The following KLF8 variants were observed in gnomAD, a reference collection of about 807,000 sequenced individuals.
KLF8 encodes the protein KLF transcription factor 8.
In KLF8, 10 loss-of-function variants were observed where a neutral mutation model predicts 18.2. The ratio of observed to expected loss-of-function variants is 0.55; its 90% CI spans 0.34 to 0.93. The LOEUF (loss-of-function observed/expected upper bound fraction) is 0.93, where lower values mean the gene tolerates loss of function less well. KLF8 is among the 40% of genes least tolerant of loss of function. KLF8 has a pLI of 0.02. For synonymous variants in KLF8, 109 were observed against 97.3 expected (o/e 1.12, Z -0.71); for missense variants, 264 against 277.9 (o/e 0.95, Z 0.36).
intron 2 of KLF8, among the ~76,000 whole-genome samples, chrX:56,253,738 T>A (rs1460671325): frequency 9.5e-6 from 1 of 105,302 alleles, no homozygotes; most frequent in Non-Finnish European, 1.9e-5. Context: ...TTTCTATTTT[T>A]GTACATAATG....
At chrX:55,988,008 A>G in the KLF8 span, among the ~76,000 whole-genome samples, 1 of 112,161 alleles carries the variant, frequency 8.9e-6, no homozygotes, top group African/African-American at 3.2e-5. Context: ...TCTTTTGAGA[A>G]GTGTCTGTTC....
At chrX:55,988,074 T>G in the KLF8 span, among the ~76,000 whole-genome samples, 57,479 of 110,153 alleles carry the variant, frequency 0.52, 13,546 homozygotes, top group East Asian at 0.75. Context: ...TAAATTTGTT[T>G]GAGTTCATTG....
At chrX:55,915,223 A>G in the KLF8 span, among the ~76,000 whole-genome samples, 7 of 111,745 alleles carry the variant, frequency 6.3e-5, no homozygotes, top group African/African-American at 2.3e-4. Context: ...CATTTGATAA[A>G]TGGGGAAACT....
chrX:55,939,669 C>T, the KLF8 span, among the ~76,000 whole-genome samples: 4 of 111,047 alleles, frequency 3.6e-5, no homozygotes, highest in Non-Finnish European at 7.6e-5. Context: ...ACCAAATAGA[C>T]ACAATAAAAA....
chrX:56,044,703 CCTT>C, the KLF8 span, among the ~76,000 whole-genome samples: 2 of 112,207 alleles, frequency 1.8e-5, no homozygotes, highest in Admixed American at 1.9e-4. Context: ...GATCATGGCT[CCTT>C]CTCACCCTGG....
At chrX:56,022,259 G>A in the KLF8 span, among the ~76,000 whole-genome samples, 17 of 110,781 alleles carry the variant, frequency 1.5e-4, no homozygotes, top group Non-Finnish European at 3.0e-4. Flanking sequence ...CAAGAAAAAT[G>A]TCTGAGGCCA....
the KLF8 span, among the ~76,000 whole-genome samples, chrX:55,953,016 G>A: frequency 2.7e-5 from 3 of 111,455 alleles, no homozygotes; most frequent in African/African-American, 9.8e-5. Flanking sequence ...GTGAGTCTGA[G>A]TTCAGTGCCC....
the KLF8 span, among the ~76,000 whole-genome samples, chrX:56,043,483 A>T: frequency 9.1e-6 from 1 of 110,002 alleles, no homozygotes; most frequent in African/African-American, 3.3e-5. Flanking sequence ...TTTATAATGA[A>T]CCCATATTTC....
At chrX:55,981,212 A>C in the KLF8 span, among the ~76,000 whole-genome samples, 1 of 112,158 alleles carries the variant, frequency 8.9e-6, no homozygotes, top group African/African-American at 3.2e-5. Context: ...AAAAAAAATT[A>C]TTTTAAGTAA....
chrX:56,089,666 C>G, the KLF8 span, among the ~76,000 whole-genome samples: 2 of 112,259 alleles, frequency 1.8e-5, no homozygotes, highest in African/African-American at 6.5e-5. Context: ...CCACAGTTTA[C>G]TAGAGTGGAT....
rs184456893 is a variant in KLF8 at position 56,276,159 on chromosome X, G to T, written c.898+5838G>T. Among the ~76,000 whole-genome samples the T allele has an allele frequency of 7.2e-3, 643 of 89,181 alleles. 5 individuals are homozygous for T. The highest frequency in any genetic ancestry group is 0.026 in the African/African-American group (602 of 23,175). 77.4% of individuals were successfully genotyped at this position (89,181 alleles called of 115,157 possible). A position where few individuals can be genotyped will look rare whatever the true frequency, so the allele number is the denominator to read the frequency against. On this transcript the variant is annotated intron_variant, in intron 5 of 5. Coordinates refer to ENST00000468660, the MANE Select transcript of KLF8 (RefSeq NM_007250.5). ...CCCCCCGCCCCCGCACCTCGCCCCC[G>T]AAACCAAGTCTCACTCTGTTGCCCA...
At chrX:56,044,573 C>A in the KLF8 span, among the ~76,000 whole-genome samples, 1 of 112,945 alleles carries the variant, frequency 8.9e-6, no homozygotes, top group African/African-American at 3.2e-5. Context: ...CTTAAAGAAA[C>A]AGTCTCGCCA....
At chrX:55,915,608 A>C in the KLF8 span, among the ~76,000 whole-genome samples, 2 of 112,177 alleles carry the variant, frequency 1.8e-5, no homozygotes, top group African/African-American at 3.2e-5. Context: ...TCAAAATTTG[A>C]ATTAATTGCC....
At chrX:56,000,588 CAGTA>C in the KLF8 span, among the ~76,000 whole-genome samples, 13 of 109,121 alleles carry the variant, frequency 1.2e-4, no homozygotes, top group Non-Finnish European at 2.1e-4. Flanking sequence ...TGTATGTTTC[CAGTA>C]ATTTCTCCAT....
the KLF8 span, among the ~76,000 whole-genome samples, chrX:56,058,181 C>CAT: frequency 1.2e-4 from 10 of 85,839 alleles, no homozygotes; most frequent in South Asian, 5.7e-4. Context: ...TATATACACA[C>CAT]ATATATATAT....
chrX:56,258,454 GT>G (rs2066832952), intron 2 of KLF8, among the ~76,000 whole-genome samples: 1 of 111,345 alleles, frequency 9.0e-6, no homozygotes. Context: ...GTTTTGTACT[GT>G]TAGTAGAGAC....
chrX:56,082,507 G>A, the KLF8 span, among the ~76,000 whole-genome samples: 25 of 104,827 alleles, frequency 2.4e-4, no homozygotes, highest in Non-Finnish European at 4.3e-4. Flanking sequence ...TTTGGATTTA[G>A]TCTTTTTTTT....
At chrX:56,121,049 G>A in the KLF8 span, among the ~76,000 whole-genome samples, 4 of 109,677 alleles carry the variant, frequency 3.6e-5, no homozygotes, top group Non-Finnish European at 5.7e-5. Flanking sequence ...AGCCGGACGT[G>A]GTGGCGGGCA....
At chrX:55,977,610 A>G in the KLF8 span, among the ~76,000 whole-genome samples, 2 of 111,051 alleles carry the variant, frequency 1.8e-5, no homozygotes, top group African/African-American at 6.5e-5. Flanking sequence ...TTTGTGAGAA[A>G]ATTAGCACTG....
Sources: gnomAD v4.1 joint callset for allele counts (sites outside exome capture counted in the v4.1 genomes callset) on GRCh38, gnomAD v4.1.1 for gene constraint, MANE v1.5 for transcripts, NCBI Gene and HGNC (gene_info 2026-07-23, HGNC 2026-07-21) for gene names.